Variants in CPPED1 observed in about 807,000 individuals in gnomAD.
CPPED1 encodes the protein calcineurin like phosphoesterase domain containing 1.
CPPED1 carries 28 observed loss-of-function variants against 28.0 expected under a neutral mutation model. The observed-to-expected ratio is 1.00, with a 90% CI of 0.74 to 1.37. The LOEUF (loss-of-function observed/expected upper bound fraction) is 1.37, where lower values mean the gene tolerates loss of function less well. Ranked by LOEUF, CPPED1 falls within the 40% of genes most tolerant of loss-of-function variation. The pLI, the probability that CPPED1 is intolerant of heterozygous loss-of-function variation, is 0.00. For synonymous variants in CPPED1, 198 were observed against 180.2 expected, an observed-to-expected ratio of 1.10 and a Z score of -0.79; for missense variants, 504 against 416.5, an observed-to-expected ratio of 1.21 and a Z score of -1.83.
chr16:12,762,527 C>T lies in CPPED1; in HGVS notation c.289+18658G>A, dbSNP rs149393859. Among the ~76,000 whole-genome samples, 8 of 152,242 alleles carry T rather than the reference C, an allele frequency of 5.3e-5. 1 individual carries two copies. The highest frequency in any genetic ancestry group is 1.2e-4 in the African/African-American group (5 of 41,554). ...CATATGGTAGAATATTATTCAACAA[C>T]AGCTACAACATGGATAAACCCTGAA... On this transcript the variant is annotated intron_variant, in intron 2 of 3. Coordinates refer to ENST00000381774, the MANE Select transcript of CPPED1 (RefSeq NM_018340.3).
At chr16:12,699,307 G>T (rs1380266218) in intron 3 of CPPED1, among the ~76,000 whole-genome samples, 2 of 152,118 alleles carry the variant, frequency 1.3e-5, no homozygotes, top group Admixed American at 1.3e-4. Flanking sequence ...ATTTGTACCG[G>T]CTATTGACAA....
rs1463323296 is a variant in CPPED1, at chr16:12,663,618, T to A, written c.*1268A>T. ...ATATTTAATTATCTTTCCATTTAAT[T>A]TCCCATGGTTTTGCTACGTTGACTA... On this transcript the variant is annotated 3_prime_UTR_variant, in exon 4 of 4. Coordinates refer to ENST00000381774, the MANE Select transcript of CPPED1 (RefSeq NM_018340.3). The A allele has an allele frequency of 6.6e-6, 1 of 152,246 alleles. No homozygotes were observed. Among genetic ancestry groups the A allele is most frequent in the African/African-American group, 2.4e-5 (1 of 41,466 alleles). The allele number at this position is 152,246 out of a possible 1,614,324, so 9.4% of individuals were successfully genotyped here.
intron 2 of CPPED1, among the ~76,000 whole-genome samples, chr16:12,745,053 A>T (rs931703484): frequency 1.3e-5 from 2 of 152,040 alleles, no homozygotes; most frequent in African/African-American, 2.4e-5. Context: ...ACTTAAAGGC[A>T]GTCCAAAAGG....
chr16:12,757,726 A>G (rs2080380540), intron 2 of CPPED1: 1 of 143,934 alleles, frequency 6.9e-6, no homozygotes, highest in African/African-American at 2.6e-5. Context: ...GACCAGTCCT[A>G]ATGGCAACCT....
intron 3 of CPPED1, among the ~76,000 whole-genome samples, chr16:12,685,153 C>T (rs1272096317): frequency 6.6e-6 from 1 of 152,140 alleles, no homozygotes; most frequent in African/African-American, 2.4e-5. Flanking sequence ...AAAAAGGGGA[C>T]AATAATAGAT....
At chr16:12,708,397 A>G (rs1431214196) in intron 2 of CPPED1, among the ~76,000 whole-genome samples, 1 of 152,154 alleles carries the variant, frequency 6.6e-6, no homozygotes, top group Non-Finnish European at 1.5e-5. Flanking sequence ...AATGGCTGTA[A>G]GAATTCCTAC....
intron 3 of CPPED1, among the ~76,000 whole-genome samples, chr16:12,693,326 C>A (rs998196923): frequency 6.6e-6 from 1 of 152,148 alleles, no homozygotes; most frequent in Non-Finnish European, 1.5e-5. Flanking sequence ...CTCAGCCTCC[C>A]ATGTAGCTGG....
In CPPED1 at chr16:12,803,768, A is replaced by T. The variant is rs1438910636; in HGVS notation, c.9T>A (p.Ala3=). ...TGTGGAAAACACCCCCCGCCTCTGC[A>T]GCCGACATGGCGAGCGAGTTTCTGG... MS[A]AEAGGVFHRA... is the part of the protein sequence containing the mutation. The change falls in exon 1 of 4, where the codon GCT becomes GCA. Residue 3 remains alanine (A), a synonymous_variant. Coordinates refer to ENST00000381774, the MANE Select transcript of CPPED1 (RefSeq NM_018340.3). The T allele has an allele frequency of 6.2e-7, 1 of 1,600,440 alleles. No homozygotes were observed. Among genetic ancestry groups the T allele is most frequent in the South Asian group, 1.1e-5 (1 of 88,976 alleles).
intron 1 of CPPED1, among the ~76,000 whole-genome samples, chr16:12,803,495 C>A (rs894212449): frequency 2.6e-5 from 4 of 152,226 alleles, no homozygotes; most frequent in Non-Finnish European, 4.4e-5. Flanking sequence ...GCCAAGGAGG[C>A]TCCTAGACCA....
At chr16:12,668,400 G>T (rs1279205184) in intron 3 of CPPED1, among the ~76,000 whole-genome samples, 2 of 152,060 alleles carry the variant, frequency 1.3e-5, no homozygotes, top group South Asian at 4.2e-4. Context: ...TGTTTGGAAG[G>T]GAGATAAAAA....
chr16:12,794,151 G>A (rs1450429828), intron 1 of CPPED1, among the ~76,000 whole-genome samples: 1 of 152,148 alleles, frequency 6.6e-6, no homozygotes, highest in African/African-American at 2.4e-5. Context: ...AGAATGGTAT[G>A]CAGCAGATAA....
At chr16:12,681,682 T>C (rs905203231) in intron 3 of CPPED1, among the ~76,000 whole-genome samples, 1 of 152,118 alleles carries the variant, frequency 6.6e-6, no homozygotes, top group Non-Finnish European at 1.5e-5. Context: ...AGGATGTAAG[T>C]AGTTCTGCAG....
chr16:12,723,321 ACTATGTCC>A (rs1284609158), intron 2 of CPPED1, among the ~76,000 whole-genome samples: 2 of 152,164 alleles, frequency 1.3e-5, no homozygotes, highest in Non-Finnish European at 2.9e-5. Flanking sequence ...TTCTGGATGA[ACTATGTCC>A]CTGAAAATTC....
intron 2 of CPPED1, among the ~76,000 whole-genome samples, chr16:12,712,655 T>A (rs1416512002): frequency 1.3e-5 from 2 of 152,138 alleles, no homozygotes; most frequent in Non-Finnish European, 2.9e-5. Flanking sequence ...GGTGCACTGT[T>A]AAGGTTTGGG....
intron 1 of CPPED1, 86 bp from the exon 2 acceptor site, chr16:12,781,489 A>G (rs747917097): frequency 6.7e-6 from 8 of 1,190,318 alleles, no homozygotes; most frequent in Admixed American, 2.4e-5. Context: ...AAGTGGATAC[A>G]CTATTTTTCT....
At chr16:12,797,648 G>T (rs937509892) in intron 1 of CPPED1, among the ~76,000 whole-genome samples, 2 of 152,094 alleles carry the variant, frequency 1.3e-5, no homozygotes, top group East Asian at 3.9e-4. Context: ...GGGCCACAAC[G>T]GAAGAACTGT....
intron 2 of CPPED1, among the ~76,000 whole-genome samples, chr16:12,748,650 C>T (rs1323114509): frequency 6.6e-6 from 1 of 152,132 alleles, no homozygotes; most frequent in African/African-American, 2.4e-5. Context: ...CTTTGGAAGG[C>T]TGAGGTGGGC....
At chr16:12,796,507 A>C (rs1213542090) in intron 1 of CPPED1, among the ~76,000 whole-genome samples, 2 of 152,082 alleles carry the variant, frequency 1.3e-5, no homozygotes, top group Non-Finnish European at 2.9e-5. Context: ...AAAAACAACA[A>C]AAAAAACTCA....
chr16:12,742,477 C>T (rs185193326), intron 2 of CPPED1, among the ~76,000 whole-genome samples: 2 of 152,318 alleles, frequency 1.3e-5, no homozygotes, highest in South Asian at 2.1e-4. Flanking sequence ...TTATTTCACT[C>T]ATTGCAAAAA....
Sources: allele counts gnomAD v4.1 joint callset (sites outside exome capture counted in the v4.1 genomes callset), GRCh38; gene constraint gnomAD v4.1.1; transcripts MANE v1.5; gene names NCBI Gene and HGNC (gene_info 2026-07-23, HGNC 2026-07-21).